EXOC6B: variants seen among roughly 807,000 people sequenced by gnomAD.
EXOC6B encodes the protein SEC15 homolog B.
A neutral mutation model predicts 113.5 loss-of-function variants in EXOC6B; 54 were observed. The observed-to-expected ratio is 0.48, with a 90% CI of 0.38 to 0.60. The LOEUF (loss-of-function observed/expected upper bound fraction) is 0.60. Among genes scored for constraint, EXOC6B ranks in the 20% least tolerant of loss-of-function variants. The probability of loss-of-function intolerance (pLI) is 0.00; values close to 1 mark genes in which losing one functional copy is unlikely to be tolerated. For missense variants in EXOC6B, 797 were observed against 977.5 expected, an observed-to-expected ratio of 0.82 and a Z score of 2.46; for synonymous variants, 357 against 339.0, an observed-to-expected ratio of 1.05 and a Z score of -0.58.
chr2:72,395,856 T>A (rs1303349540), intron 18 of EXOC6B, among the ~76,000 whole-genome samples: 1 of 152,118 alleles, frequency 6.6e-6, no homozygotes, highest in Non-Finnish European at 1.5e-5. Flanking sequence ...TACAGCCCTG[T>A]ACAGTGTATG....
chr2:72,714,536 G>C (rs1384777610), intron 6 of EXOC6B, among the ~76,000 whole-genome samples: 1 of 152,136 alleles, frequency 6.6e-6, no homozygotes, highest in Non-Finnish European at 1.5e-5. Context: ...AATTTATAGG[G>C]AAAGAAGTAG....
At chr2:72,299,948 GT>G (rs1022211801) in intron 20 of EXOC6B, among the ~76,000 whole-genome samples, 5 of 152,166 alleles carry the variant, frequency 3.3e-5, no homozygotes, top group South Asian at 2.1e-4. Flanking sequence ...CCTGTATGAG[GT>G]GTCTGTTGGC....
chr2:72,181,825 T>G (rs1419906988), intron 21 of EXOC6B, among the ~76,000 whole-genome samples: 1 of 152,206 alleles, frequency 6.6e-6, no homozygotes, highest in African/African-American at 2.4e-5. Context: ...TGCTGGTTTC[T>G]ACTCAGGAAT....
intron 8 of EXOC6B, among the ~76,000 whole-genome samples, chr2:72,556,096 C>G (rs536490487): frequency 3.5e-4 from 54 of 152,278 alleles, no homozygotes; most frequent in African/African-American, 1.3e-3. Flanking sequence ...GTAGTCCAGT[C>G]AAAGCAAAAG....
intron 20 of EXOC6B, among the ~76,000 whole-genome samples, chr2:72,274,007 A>G (rs1177948987): frequency 6.6e-6 from 1 of 152,180 alleles, no homozygotes; most frequent in Non-Finnish European, 1.5e-5. Context: ...GCTATAGACA[A>G]TATAATAAGA....
intron 20 of EXOC6B, among the ~76,000 whole-genome samples, chr2:72,242,542 G>T (rs138084627): frequency 0.011 from 1,655 of 151,902 alleles, 26 homozygotes; most frequent in Non-Finnish European, 0.011. Context: ...AATCACAGAG[G>T]GCAGGAAAAG....
At chr2:72,751,796 G>A (rs1682059816) in intron 1 of EXOC6B, among the ~76,000 whole-genome samples, 1 of 152,076 alleles carries the variant, frequency 6.6e-6, no homozygotes, top group Non-Finnish European at 1.5e-5. Flanking sequence ...TAAGAAATAA[G>A]AGGCAGGTAA....
intron 19 of EXOC6B, among the ~76,000 whole-genome samples, chr2:72,376,655 A>C (rs925600511): frequency 6.6e-5 from 10 of 152,150 alleles, no homozygotes; most frequent in African/African-American, 2.2e-4. Flanking sequence ...GGTCCATCTT[A>C]TCTTTTAAAT....
chr2:72,575,813 C>T (rs1364108418), intron 6 of EXOC6B, 145 bp from the exon 7 acceptor site: 2 of 679,112 alleles, frequency 2.9e-6, no homozygotes, highest in Non-Finnish European at 2.3e-6. Flanking sequence ...AACGAAAATA[C>T]TACAACAAAA....
chr2:72,513,200 T>C lies in EXOC6B; in HGVS notation c.1099A>G (p.Arg367Gly). The change falls in exon 11 of 22, where the codon AGA (arginine) becomes GGA (glycine). Residue 367 changes from arginine (R) to glycine (G), a missense_variant. By Grantham distance (125) the Arg-to-Gly change is moderately radical. Transcript: ENST00000272427. ...TCCCACAGTTCATCAATGTAGGCTC[T>C]ATTTACTAAGCCCTGGGTTGTATGT... ...ILHTTQGLVN[R>G]AYIDELWEMA... 2 of 1,613,418 alleles carry C rather than the reference T, an allele frequency of 1.2e-6. No individual in the cohort carries two copies. Among genetic ancestry groups the C allele is most frequent in the East Asian group, 4.5e-5 (2 of 44,856 alleles).
At chr2:72,507,946 T>C (rs1226592083) in intron 11 of EXOC6B, among the ~76,000 whole-genome samples, 2 of 148,126 alleles carry the variant, frequency 1.4e-5, no homozygotes, top group Admixed American at 6.7e-5. Flanking sequence ...CAAAAAAACA[T>C]TGCTTTAGAA....
chr2:72,189,009 C>T (rs1236805265), intron 20 of EXOC6B, among the ~76,000 whole-genome samples: 1 of 152,106 alleles, frequency 6.6e-6, no homozygotes, highest in Admixed American at 6.5e-5. Flanking sequence ...CTTCAGTGTT[C>T]CTAAGGATTA....
chr2:72,229,388 G>A (rs1359792502), intron 20 of EXOC6B, among the ~76,000 whole-genome samples: 2 of 152,148 alleles, frequency 1.3e-5, no homozygotes, highest in African/African-American at 4.8e-5. Flanking sequence ...AATTCAAGTT[G>A]CCTGAAATTG....
At chr2:72,430,011 T>C (rs1558658842) in intron 18 of EXOC6B, among the ~76,000 whole-genome samples, 1 of 152,160 alleles carries the variant, frequency 6.6e-6, no homozygotes, top group African/African-American at 2.4e-5. Flanking sequence ...GCTCTAAATA[T>C]ATTGCTAAGG....
At chr2:72,411,327 A>T (rs1694172864) in intron 18 of EXOC6B, among the ~76,000 whole-genome samples, 1 of 152,210 alleles carries the variant, frequency 6.6e-6, no homozygotes, top group African/African-American at 2.4e-5. Flanking sequence ...AGGAACAGGA[A>T]ACAAGCCAGA....
intron 20 of EXOC6B, among the ~76,000 whole-genome samples, chr2:72,323,514 T>C (rs1047619099): frequency 9.2e-5 from 14 of 152,192 alleles, no homozygotes; most frequent in Admixed American, 5.2e-4. Context: ...TAAATCATTC[T>C]ACTATAAAGA....
At chr2:72,661,159 C>T (rs1362522655) in intron 6 of EXOC6B, among the ~76,000 whole-genome samples, 3 of 152,006 alleles carry the variant, frequency 2.0e-5, no homozygotes, top group Non-Finnish European at 4.4e-5. Flanking sequence ...TCTCTCTGTC[C>T]TCCCAGAGTT....
At chr2:72,297,851 G>C (rs1334830419) in intron 20 of EXOC6B, among the ~76,000 whole-genome samples, 2 of 152,176 alleles carry the variant, frequency 1.3e-5, no homozygotes, top group Admixed American at 1.3e-4. Flanking sequence ...ACTGTGGTCT[G>C]AGAGACTGTT....
chr2:72,611,040 G>A (rs1290757734), intron 6 of EXOC6B, among the ~76,000 whole-genome samples: 1 of 152,130 alleles, frequency 6.6e-6, no homozygotes, highest in Non-Finnish European at 1.5e-5. Flanking sequence ...TAAACCCAGA[G>A]TGGGAGACAT....
Sources: allele counts gnomAD v4.1 joint callset (sites outside exome capture counted in the v4.1 genomes callset), GRCh38; gene constraint gnomAD v4.1.1; transcripts MANE v1.5; gene names NCBI Gene and HGNC (gene_info 2026-07-23, HGNC 2026-07-21).